MKNK2: variants seen among roughly 807,000 people sequenced by gnomAD.
MKNK2 encodes MAP kinase-interacting serine/threonine-protein kinase 2.
In MKNK2, 54 loss-of-function variants were observed where a neutral mutation model predicts 55.0. The observed-to-expected ratio is 0.98, with a 90% CI of 0.79 to 1.23. The LOEUF (loss-of-function observed/expected upper bound fraction) is 1.23, where lower values mean the gene tolerates loss of function less well. Ranked by LOEUF, MKNK2 falls within the 50% of genes most tolerant of loss-of-function variation. MKNK2 has a pLI of 0.00. For synonymous variants in MKNK2, 323 were observed against 256.0 expected (o/e 1.26, Z -2.50); for missense variants, 685 against 632.1 (o/e 1.08, Z -0.90).
Position 2,039,574 on chromosome 19 carries a change from G to A in MKNK2, c.*39C>T, listed in dbSNP as rs1599377599. On this transcript the variant is annotated 3_prime_UTR_variant, in exon 14 of 14. Transcript: ENST00000250896. ...CTTAAAAAACCTTTAGATTTGATTG[G>A]GGGACGGGTGACCTATGTACAGAGG... is the stretch of plus-strand genomic sequence containing the variant. 2 of 1,574,338 alleles carry A rather than the reference G, an allele frequency of 1.3e-6. No homozygotes were observed. The highest frequency in any genetic ancestry group is 1.1e-5 in the South Asian group (1 of 89,450).
Position 2,037,910 on chromosome 19 carries a change from C to G in MKNK2, c.*1703G>C. The G allele has an allele frequency of 7.0e-7, 1 of 1,427,118 alleles. No homozygotes were observed. Among genetic ancestry groups the G allele is most frequent in the Non-Finnish European group, 9.3e-7 (1 of 1,073,290 alleles). The allele number at this position is 1,427,118 out of a possible 1,614,324, so 88.4% of individuals were successfully genotyped here. A position where few individuals can be genotyped will look rare whatever the true frequency, so the allele number is the denominator to read the frequency against. ...GAGACCCGATGGCTATGGGCGCCTG[C>G]AGCGGGCGGGGGTCCATTTGCTTGT... On this transcript the variant is annotated 3_prime_UTR_variant, in exon 14 of 14. Transcript: ENST00000250896.
In MKNK2 at chr19:2,038,448, T is replaced by C; in HGVS notation, c.*1165A>G. 1 of 984,370 alleles carries C rather than the reference T, an allele frequency of 1.0e-6. No individual in the cohort carries two copies. Among genetic ancestry groups the C allele is most frequent in the Non-Finnish European group, 1.2e-6 (1 of 829,128 alleles). The allele number at this position is 984,370 out of a possible 1,614,324, so 61.0% of individuals were successfully genotyped here. A position where few individuals can be genotyped will look rare whatever the true frequency, so the allele number is the denominator to read the frequency against. On this transcript the variant is annotated 3_prime_UTR_variant, in exon 14 of 14. Transcript: ENST00000250896. ...CACCCGCGGGGAGGGGGCAGCAGGC[T>C]CCGCAGCCCCCGGGGGTTGGAGCAT...
rs1017689798 is a variant in MKNK2 at position 2,038,984 on chromosome 19, G to A, written c.*629C>T. ...AGCCCCGATTGTCAACTATCATGGG[G>A]ACAAGGCAGGCGCGGGTGAAGGGCT... On this transcript the variant is annotated 3_prime_UTR_variant, in exon 14 of 14. Transcript: ENST00000250896. 1.0e-6 allele frequency: 1 copy of A among 985,902 alleles called. No homozygotes were observed. Among genetic ancestry groups the A allele is most frequent in the Non-Finnish European group, 1.2e-6 (1 of 830,040 alleles). The allele number at this position is 985,902 out of a possible 1,614,324, so 61.1% of individuals were successfully genotyped here.
At chr19:2,040,887 C>T in intron 12 of MKNK2, 153 bp downstream of exon 12, 4 of 769,404 alleles carry the variant, frequency 5.2e-6, no homozygotes, top group Non-Finnish European at 8.2e-6. Context: ...GGGATTTCGG[C>T]TGCACCCCTC....
chr19:2,041,626 G>A (rs1415520291), intron 11 of MKNK2, among the ~76,000 whole-genome samples: 1 of 152,138 alleles, frequency 6.6e-6, no homozygotes, highest in Non-Finnish European at 1.5e-5. Flanking sequence ...AGGGCACACC[G>A]GGCAGGTCCC....
At chr19:2,048,735 C>T (rs1028528768) in intron 2 of MKNK2, among the ~76,000 whole-genome samples, 5 of 152,084 alleles carry the variant, frequency 3.3e-5, no homozygotes, top group Admixed American at 3.3e-4. Flanking sequence ...CCTCCTGCCT[C>T]CCCACCCACC....
intron 2 of MKNK2, among the ~76,000 whole-genome samples, 193 bp from the exon 3 acceptor site, chr19:2,046,884 C>T (rs2017012835): frequency 6.6e-6 from 1 of 152,236 alleles, no homozygotes; most frequent in South Asian, 2.1e-4. Flanking sequence ...GGGCAGACAG[C>T]ATAAACCAGG....
chr19:2,041,974 T>G lies in MKNK2; in HGVS notation c.811A>C (p.Ile271Leu). 2.6e-6 allele frequency: 4 copies of G among 1,561,584 alleles called. No homozygotes were observed. Among genetic ancestry groups the G allele is most frequent in the Non-Finnish European group, 3.5e-6 (4 of 1,153,678 alleles). The change falls in exon 11 of 14, where the codon ATC becomes CTC. Residue 271 changes from isoleucine to leucine, a missense_variant. Coordinates refer to ENST00000250896, the MANE Select transcript of MKNK2 (RefSeq NM_199054.3). Reference protein sequence around the residue: ...VVEAFSEEASIYDKRCDLWSL... With the variant: ...VVEAFSEEASLYDKRCDLWSL... ...CACAGGTCGCAGCGCTTGTCGTAGA[T>G]GCTAGCCTCCTCGCTGAAGGCCTCC...
Position 2,038,794 on chromosome 19 carries a change from G to A in MKNK2, c.*819C>T. On this transcript the variant is annotated 3_prime_UTR_variant, in exon 14 of 14. Transcript: ENST00000250896. ...TGCCTGTCCAGCCCCTCTGCCTGCTGCGGTGGAAACGGCTTCGGGCCAGGC... is the reference window on the plus strand; with the variant it reads ...TGCCTGTCCAGCCCCTCTGCCTGCTACGGTGGAAACGGCTTCGGGCCAGGC... 4.1e-6 allele frequency: 4 copies of A among 985,672 alleles called. No homozygotes were observed. The highest frequency in any genetic ancestry group is 4.8e-6 in the Non-Finnish European group (4 of 829,934). The allele number at this position is 985,672 out of a possible 1,614,324, so 61.1% of individuals were successfully genotyped here. A position where few individuals can be genotyped will look rare whatever the true frequency, so the allele number is the denominator to read the frequency against.
Position 2,042,051 on chromosome 19 carries a change from G to A in MKNK2, c.751-17C>T. On this transcript the variant is annotated splice_polypyrimidine_tract_variant and intron_variant, in intron 10 of 13. Coordinates refer to ENST00000250896, the MANE Select transcript of MKNK2 (RefSeq NM_199054.3). The stretch of plus-strand genomic sequence containing the variant: ...CGAGCCGCACTGCGGGCGGGGGAGG[G>A]GCGCGTCAGCCGGGGTTTCCCAGCA... 2 of 1,467,964 alleles carry A rather than the reference G, an allele frequency of 1.4e-6. No individual in the cohort carries two copies. Among genetic ancestry groups the A allele is most frequent in the East Asian group, 2.7e-5 (1 of 36,478 alleles). The allele number at this position is 1,467,964 out of a possible 1,614,324, so 90.9% of individuals were successfully genotyped here.
intron 4 of MKNK2, 27 bp downstream of exon 4, chr19:2,046,339 TC>T: frequency 6.2e-7 from 1 of 1,604,428 alleles, no homozygotes. Flanking sequence ...CGCTCCCGGC[TC>T]CCCCAATGCC....
chr19:2,037,822 T>C lies in MKNK2; in HGVS notation c.*1791A>G, dbSNP rs1365374397. 2.1e-5 allele frequency: 34 copies of C among 1,587,390 alleles called. No individual in the cohort carries two copies. The highest frequency in any genetic ancestry group is 5.5e-5 in the African/African-American group (4 of 72,192). On this transcript the variant is annotated 3_prime_UTR_variant, in exon 14 of 14. Transcript: ENST00000250896. ...GGGTGGGGAGGGAGGAGGAAGTGAC[T>C]GTCCCACCTTCAGAAAAAAAAAAAA...
At chr19:2,051,066 C>A in intron 1 of MKNK2, 30 bp downstream of exon 1, 1 of 325,670 alleles carries the variant, frequency 3.1e-6, no homozygotes, top group South Asian at 9.8e-5. Flanking sequence ...GGGTCGGTGT[C>A]CTCGGGGCCG....
At position 2,041,835 on chromosome 19, in the gene MKNK2, C is replaced by T. The variant is rs1424340929; in HGVS notation, c.945+5G>A. 5 of 1,514,286 alleles carry T rather than the reference C, an allele frequency of 3.3e-6. No homozygotes were observed. The East Asian group carries it at 7.6e-5, about 23-fold the overall frequency. The allele number at this position is 1,514,286 out of a possible 1,614,324, so 93.8% of individuals were successfully genotyped here. A position where few individuals can be genotyped will look rare whatever the true frequency, so the allele number is the denominator to read the frequency against. On this transcript the variant is annotated splice_donor_5th_base_variant and intron_variant, in intron 11 of 13. Transcript: ENST00000250896. ...CAGGAGAGGAGGGTGCGCGGGCCGC[C>T]GCACCTGGCAGGCAGGGCAGGCCTC...
In MKNK2 at chr19:2,050,852, C is replaced by G; in HGVS notation, c.-1G>C. ...GTTCGGCTGGTTTCTTCTGCACCAT[C>G]TTCTGTCCGGGCCCCGCCAGCGGGG... is the stretch of plus-strand genomic sequence containing the variant. On this transcript the variant is annotated 5_prime_UTR_variant, in exon 2 of 14. Transcript: ENST00000250896. 6.5e-7 allele frequency: 1 copy of G among 1,529,152 alleles called. No individual in the cohort carries two copies. The highest frequency in any genetic ancestry group is 8.8e-7 in the Non-Finnish European group (1 of 1,138,410). 94.7% of individuals were successfully genotyped at this position (1,529,152 alleles called of 1,614,324 possible).
At position 2,050,120 on chromosome 19, in the gene MKNK2, T is replaced by A. The variant is rs902326042; in HGVS notation, c.51+681A>T. On this transcript the variant is annotated intron_variant, in intron 2 of 13. Coordinates refer to ENST00000250896, the MANE Select transcript of MKNK2 (RefSeq NM_199054.3). ...CCCCTGCCCAGCACCTGCCCTCCCC[T>A]TCCCCCCCAAGATTTGCTCATCTGA... is the stretch of plus-strand genomic sequence containing the variant. Among the ~76,000 whole-genome samples the A allele has an allele frequency of 1.8e-4, 28 of 152,092 alleles. 1 individual carries two copies. The highest frequency in any genetic ancestry group is 6.0e-4 in the African/African-American group (25 of 41,502).
rs1415991352 is a variant in MKNK2 at position 2,038,462 on chromosome 19, G to T, written c.*1151C>A. 1.0e-6 allele frequency: 1 copy of T among 985,450 alleles called. No individual in the cohort carries two copies. Among genetic ancestry groups the T allele is most frequent in the South Asian group, 4.7e-5 (1 of 21,284 alleles). The allele number at this position is 985,450 out of a possible 1,614,324, so 61.0% of individuals were successfully genotyped here. On this transcript the variant is annotated 3_prime_UTR_variant, in exon 14 of 14. Coordinates refer to ENST00000250896, the MANE Select transcript of MKNK2 (RefSeq NM_199054.3). ...GGGCAGCAGGCTCCGCAGCCCCCGG[G>T]GGTTGGAGCATGGAGGGTGGGGGGA...
Position 2,046,657 on chromosome 19 carries a change from T to C in MKNK2, c.86A>G (p.Asp29Gly). 1 of 1,555,882 alleles carries C rather than the reference T, an allele frequency of 6.4e-7. No homozygotes were observed. ...QNPFELAFSL[D>G]QPDHGDSDFG... Reference sequence around the variant, plus strand: ...GTCAGAGTCTCCGTGGTCGGGCTGGTCTAGGGAGAAGGCCAGCTCGAAGGG... The same window carrying C: ...GTCAGAGTCTCCGTGGTCGGGCTGGCCTAGGGAGAAGGCCAGCTCGAAGGG... Residue 29 changes from aspartate to glycine, a missense_variant, in exon 3 of 14, where the codon GAC becomes GGC. Asp to Gly is a moderately conservative substitution (Grantham distance 94). Coordinates refer to ENST00000250896, the MANE Select transcript of MKNK2 (RefSeq NM_199054.3).
chr19:2,039,235 G>C lies in MKNK2; in HGVS notation c.*378C>G. ...GCAAGATGGCAAACGCTGTGGGCCT[G>C]CTCTCCTGAGTCACTGCAAGCCACG... On this transcript the variant is annotated 3_prime_UTR_variant, in exon 14 of 14. Transcript: ENST00000250896. The C allele has an allele frequency of 9.2e-7, 1 of 1,081,394 alleles. No homozygotes were observed. The highest frequency in any genetic ancestry group is 1.1e-6 in the Non-Finnish European group (1 of 888,606). The allele number at this position is 1,081,394 out of a possible 1,614,324, so 67.0% of individuals were successfully genotyped here. A position where few individuals can be genotyped will look rare whatever the true frequency, so the allele number is the denominator to read the frequency against.
Sources: gnomAD v4.1 joint callset for allele counts (sites outside exome capture counted in the v4.1 genomes callset) on GRCh38, gnomAD v4.1.1 for gene constraint, MANE v1.5 for transcripts, NCBI Gene and HGNC (gene_info 2026-07-23, HGNC 2026-07-21) for gene names.